Variants in FOXP1 observed in about 807,000 individuals in gnomAD.
The protein encoded by FOXP1 is forkhead box P1.
FOXP1 carries 15 observed loss-of-function variants against 98.2 expected under a neutral mutation model. That is an observed-to-expected ratio of 0.15 (90% confidence interval 0.10 to 0.24). The LOEUF is 0.24. FOXP1 is among the 10% of genes least tolerant of loss of function. The pLI, the probability that FOXP1 is intolerant of heterozygous loss-of-function variation, is 1.00. For missense variants in FOXP1, 633 were observed against 848.5 expected (o/e 0.75, Z 3.15); for synonymous variants, 371 against 314.5 (o/e 1.18, Z -1.90).
chr3:71,295,292 T>C lies in FOXP1; in HGVS notation c.-12+4528A>G, dbSNP rs576287287. Among the ~76,000 whole-genome samples, 3 of 152,330 alleles carry C rather than the reference T, an allele frequency of 2.0e-5. No homozygotes were observed. The South Asian group carries it at 6.2e-4, about 32-fold the overall frequency. On this transcript the variant is annotated intron_variant, in intron 5 of 20. Transcript: ENST00000649528. Reference sequence around the variant, plus strand: ...AGTTTTGAATGGGTTTAGCTCAGAATTGCTGTGTCATTAGGTAAATGTTCA... The same window carrying C: ...AGTTTTGAATGGGTTTAGCTCAGAACTGCTGTGTCATTAGGTAAATGTTCA...
At chr3:71,496,697 C>T (rs1176028152) in intron 2 of FOXP1, among the ~76,000 whole-genome samples, 1 of 151,984 alleles carries the variant, frequency 6.6e-6, no homozygotes, top group Non-Finnish European at 1.5e-5. Context: ...ACGCCAGCTA[C>T]TAGGGAGGCT....
intron 3 of FOXP1, among the ~76,000 whole-genome samples, chr3:71,463,213 A>G (rs982031121): frequency 1.3e-5 from 2 of 152,044 alleles, no homozygotes; most frequent in Non-Finnish European, 2.9e-5. Flanking sequence ...AAATACAAAA[A>G]GTTAGCTGGG....
At chr3:71,021,627 A>T (rs562768318) in intron 11 of FOXP1, among the ~76,000 whole-genome samples, 176 of 152,302 alleles carry the variant, frequency 1.2e-3, no homozygotes, top group African/African-American at 3.3e-3. Context: ...CGCTTTCCAA[A>T]GCACTTTATA....
At chr3:71,109,382 A>G (rs2057718890) in intron 7 of FOXP1, among the ~76,000 whole-genome samples, 1 of 151,594 alleles carries the variant, frequency 6.6e-6, no homozygotes, top group Non-Finnish European at 1.5e-5. Flanking sequence ...GGGAAGTGTG[A>G]GATATGCTTA....
chr3:71,281,118 A>G (rs963401228), intron 5 of FOXP1, among the ~76,000 whole-genome samples: 1 of 151,134 alleles, frequency 6.6e-6, no homozygotes, highest in African/African-American at 2.4e-5. Flanking sequence ...AGTCCTAGCT[A>G]CTCAGGAGGC....
intron 12 of FOXP1, among the ~76,000 whole-genome samples, chr3:71,015,329 G>A (rs550995331): frequency 1.3e-5 from 2 of 151,762 alleles, no homozygotes; most frequent in Non-Finnish European, 2.9e-5. Flanking sequence ...CTCTTACTAA[G>A]ACTTACGCCT....
intron 5 of FOXP1, among the ~76,000 whole-genome samples, chr3:71,249,765 G>A (rs781310903): frequency 6.6e-6 from 1 of 152,158 alleles, no homozygotes; most frequent in Non-Finnish European, 1.5e-5. Context: ...GGAAGGGAGA[G>A]GGAAAGTGAG....
At chr3:71,566,129 G>A (rs901972106) in intron 2 of FOXP1, among the ~76,000 whole-genome samples, 1 of 152,086 alleles carries the variant, frequency 6.6e-6, no homozygotes, top group Non-Finnish European at 1.5e-5. Flanking sequence ...TGCCCGAGCC[G>A]CTCCTCATGC....
At chr3:71,573,658 T>C (rs1282715223) in intron 2 of FOXP1, 2 of 152,148 alleles carry the variant, frequency 1.3e-5, no homozygotes, top group African/African-American at 2.4e-5. Context: ...ATGGAGCCCA[T>C]AAAAGAAAAC....
At chr3:70,964,495 C>G (rs1169027651) in intron 20 of FOXP1, among the ~76,000 whole-genome samples, 1 of 152,184 alleles carries the variant, frequency 6.6e-6, no homozygotes, top group East Asian at 1.9e-4. Flanking sequence ...AATAACCAGA[C>G]ATTTTTGTTC....
intron 3 of FOXP1, among the ~76,000 whole-genome samples, chr3:71,403,043 A>T (rs1396161617): frequency 1.3e-5 from 2 of 152,234 alleles, no homozygotes; most frequent in Non-Finnish European, 1.5e-5. Flanking sequence ...GTCAGATAAG[A>T]GATTGTATAA....
At chr3:71,372,521 C>T (rs2107993571) in intron 3 of FOXP1, among the ~76,000 whole-genome samples, 1 of 152,172 alleles carries the variant, frequency 6.6e-6, no homozygotes, top group South Asian at 2.1e-4. Context: ...ACAGAGTTCT[C>T]CTGGTGGAGC....
chr3:71,581,905 G>T (rs562097554), intron 1 of FOXP1: 19 of 984,488 alleles, frequency 1.9e-5, no homozygotes, highest in Admixed American at 6.2e-5. Context: ...AAATCGGCCC[G>T]AGCCAAAGTC....
intron 3 of FOXP1, among the ~76,000 whole-genome samples, chr3:71,432,133 C>T (rs2084773893): frequency 1.3e-5 from 2 of 152,202 alleles, no homozygotes; most frequent in African/African-American, 2.4e-5. Flanking sequence ...CATCAGTGTC[C>T]TCAAGAACTT....
intron 7 of FOXP1, among the ~76,000 whole-genome samples, chr3:71,067,729 A>AAACACACACACACACAC (rs1257302897): frequency 1.8e-4 from 2 of 11,190 alleles, no homozygotes; most frequent in Non-Finnish European, 3.1e-4. Context: ...CGTCTCCAAA[A>AAACACACACACACACAC]ATACACACAC....
intron 4 of FOXP1, among the ~76,000 whole-genome samples, chr3:71,322,637 C>T (rs757442691): frequency 2.0e-5 from 3 of 152,078 alleles, no homozygotes; most frequent in Non-Finnish European, 4.4e-5. Context: ...GCATTCGGAG[C>T]TCCAGGAGGG....
At chr3:70,972,248 G>A (rs906014277) in intron 18 of FOXP1, 17 of 1,321,390 alleles carry the variant, frequency 1.3e-5, no homozygotes, top group Non-Finnish European at 1.7e-5. Context: ...GGGCAGAACA[G>A]ACATCCAATA....
At chr3:71,473,826 G>C (rs2089577057) in intron 3 of FOXP1, among the ~76,000 whole-genome samples, 1 of 152,126 alleles carries the variant, frequency 6.6e-6, no homozygotes, top group African/African-American at 2.4e-5. Flanking sequence ...TACCCTGCAA[G>C]CTATGACACA....
chr3:71,130,833 T>C, intron 6 of FOXP1: 1 of 1,432,842 alleles, frequency 7.0e-7, no homozygotes, highest in East Asian at 2.5e-5. Context: ...ATTTTCAAAG[T>C]TGCATTTAGC....
Sources: gnomAD v4.1 joint callset for allele counts (sites outside exome capture counted in the v4.1 genomes callset) on GRCh38, gnomAD v4.1.1 for gene constraint, MANE v1.5 for transcripts, NCBI Gene and HGNC (gene_info 2026-07-23, HGNC 2026-07-21) for gene names.